PER3: variants seen among roughly 807,000 people sequenced by gnomAD.
PER3 encodes period circadian protein homolog 3.
PER3 carries 107 observed loss-of-function variants against 127.2 expected under a neutral mutation model. The ratio of observed to expected loss-of-function variants is 0.84; its 90% confidence interval spans 0.72 to 0.99. PER3 has a LOEUF of 0.99. Ranked by LOEUF, PER3 falls within the 50% of genes least tolerant of loss-of-function variation. The pLI is 0.00. For synonymous variants in PER3, 618 were observed against 585.8 expected (o/e 1.05, Z -0.79); for missense variants, 1,560 against 1,525.8 (o/e 1.02, Z -0.37).
intron 11 of PER3, among the ~76,000 whole-genome samples, chr1:7,809,682 C>T (rs953538877): frequency 2.6e-5 from 4 of 152,178 alleles, no homozygotes; most frequent in Non-Finnish European, 5.9e-5. Context: ...CCTACCTAGA[C>T]TAGAACATAA....
intron 7 of PER3, 82 bp downstream of exon 7, chr1:7,798,755 CAAAA>C (rs2097157223): frequency 8.7e-7 from 1 of 1,148,886 alleles, no homozygotes; most frequent in Admixed American, 1.9e-5. Context: ...CATAGAACAA[CAAAA>C]AGAGCTCTTG....
Position 7,826,597 on chromosome 1 carries a change from AGAAG to A in PER3, c.2080_2083del (p.Glu694SerfsTer162), listed in dbSNP as rs1237150319. ...GCGGCTGTTCTGTCAGCGCACACCC[AGAAG>A]GAAGAGCAGAATTATGTTGATAAAT... On this transcript the variant is annotated frameshift_variant, in exon 17 of 22. Coordinates refer to ENST00000377532, the MANE Select transcript of PER3 (RefSeq NM_001377275.1). LOFTEE classifies it high-confidence loss of function. This position sits in a 1 kb window ranked among gnomAD's most constrained non-coding sequence, Gnocchi z 4.2. 6.2e-7 allele frequency: 1 copy of A among 1,613,452 alleles called. No individual in the cohort carries two copies. The highest frequency in any genetic ancestry group is 8.5e-7 in the Non-Finnish European group (1 of 1,179,356).
At chr1:7,828,892 C>T (rs950650488) in intron 18 of PER3, among the ~76,000 whole-genome samples, 5 of 152,084 alleles carry the variant, frequency 3.3e-5, no homozygotes, top group African/African-American at 9.7e-5. Context: ...TAGTGTTTGA[C>T]ACAGTGCCTA....
At chr1:7,838,091 A>G (rs1004292170) in intron 21 of PER3, among the ~76,000 whole-genome samples, 1 of 152,054 alleles carries the variant, frequency 6.6e-6, no homozygotes, top group Non-Finnish European at 1.5e-5. Context: ...AAATATTTTT[A>G]AAAAAGAGAG....
chr1:7,789,831 A>G (rs1010614382), intron 5 of PER3, among the ~76,000 whole-genome samples: 1 of 152,244 alleles, frequency 6.6e-6, no homozygotes, highest in Non-Finnish European at 1.5e-5. Flanking sequence ...TAAGCTCTAG[A>G]AAACATGCAT....
chr1:7,826,544 G>T lies in PER3; in HGVS notation c.2022G>T (p.Ser674=). ...ACATGCAGCCAGCCCCTTTGACCTC[G>T]GAAGAATTTAAACACGTGGGGCTCA... ...TLNMQPAPLT[S]EEFKHVGLTA... Residue 674 remains serine, a synonymous_variant, in exon 17 of 22, where the codon TCG becomes TCT. Coordinates refer to ENST00000377532, the MANE Select transcript of PER3 (RefSeq NM_001377275.1). The surrounding 1 kb of genome is among the most constrained non-coding windows in gnomAD (Gnocchi z 4.2). 1.2e-6 allele frequency: 2 copies of T among 1,613,974 alleles called. No homozygotes were observed. Among genetic ancestry groups the T allele is most frequent in the South Asian group, 2.2e-5 (2 of 91,072 alleles).
intron 19 of PER3, among the ~76,000 whole-genome samples, chr1:7,835,068 C>T (rs1355278121): frequency 6.6e-6 from 1 of 152,076 alleles, no homozygotes; most frequent in Non-Finnish European, 1.5e-5. Flanking sequence ...TTTCTGATGG[C>T]TTCTTTTTTC....
At chr1:7,834,927 G>A (rs139515374) in intron 19 of PER3, among the ~76,000 whole-genome samples, 146 of 152,288 alleles carry the variant, frequency 9.6e-4, no homozygotes, top group African/African-American at 3.4e-3. Flanking sequence ...TGATCCATAA[G>A]GCTTCATATC....
chr1:7,806,609 G>A (rs1300389328), intron 10 of PER3, among the ~76,000 whole-genome samples: 2 of 151,470 alleles, frequency 1.3e-5, no homozygotes, highest in Admixed American at 1.3e-4. Flanking sequence ...GCAAGATAGT[G>A]AGACCCCTTC....
chr1:7,827,241 C>CGCATCA lies in PER3; in HGVS notation c.2314_2319dup (p.His772_Gln773dup), dbSNP rs773379784. On this transcript the variant is annotated inframe_insertion, in exon 18 of 22. Coordinates refer to ENST00000377532, the MANE Select transcript of PER3 (RefSeq NM_001377275.1). ...ACCGGCTCTGGTCCCCGCAGGGGAG[C>CGCATCA]GCATCAGAACGCACAGCCCTGCTGC... is the stretch of plus-strand genomic sequence containing the variant. The CGCATCA allele has an allele frequency of 3.1e-6, 5 of 1,613,900 alleles. No homozygotes were observed. In the Admixed American group the frequency reaches 8.3e-5, roughly 27 times the overall value.
intron 5 of PER3, among the ~76,000 whole-genome samples, chr1:7,789,127 T>C (rs952771533): frequency 1.8e-5 from 2 of 113,844 alleles, no homozygotes; most frequent in African/African-American, 7.6e-5. Context: ...AAGTGTCTCT[T>C]AAAGAGCTTT....
intron 16 of PER3, among the ~76,000 whole-genome samples, chr1:7,822,567 T>TA (rs1324240953): frequency 2.0e-5 from 3 of 152,064 alleles, no homozygotes; most frequent in Non-Finnish European, 2.9e-5. Flanking sequence ...AATAATTTTT[T>TA]AAAAGATGGA....
intron 7 of PER3, among the ~76,000 whole-genome samples, chr1:7,799,523 G>C (rs1441676515): frequency 1.3e-5 from 2 of 150,518 alleles, no homozygotes; most frequent in Admixed American, 1.3e-4. Context: ...AGAACTGCTT[G>C]AACCGGGACC....
In PER3 at chr1:7,842,773, C is replaced by T. The variant is rs1254730427; in HGVS notation, c.*18C>T. ...GCTGTTGAGTGACTGTGAGGATGAA[C>T]CTTCATACCCTTTCCAAGACGTGTT... On this transcript the variant is annotated 3_prime_UTR_variant, in exon 22 of 22. Coordinates refer to ENST00000377532, the MANE Select transcript of PER3 (RefSeq NM_001377275.1). The T allele has an allele frequency of 1.2e-6, 2 of 1,605,744 alleles. No homozygotes were observed. The highest frequency in any genetic ancestry group is 1.7e-6 in the Non-Finnish European group (2 of 1,173,876).
intron 6 of PER3, among the ~76,000 whole-genome samples, chr1:7,797,185 AAGGTGTGAGCAT>A (rs2097149371): frequency 1.3e-5 from 2 of 150,502 alleles, no homozygotes; most frequent in Non-Finnish European, 1.5e-5. Flanking sequence ...GGGAAGCTGG[AAGGTGTGAGCAT>A]GGATGTGAGC....
Position 7,826,510 on chromosome 1 carries a change from G to A in PER3, c.1988G>A (p.Trp663Ter). 2 of 1,613,238 alleles carry A rather than the reference G, an allele frequency of 1.2e-6. No homozygotes were observed. The highest frequency in any genetic ancestry group is 1.7e-6 in the Non-Finnish European group (2 of 1,179,254). ...ARDATLFCEP[W>*]TLNMQPAPLT... is the part of the protein sequence containing the mutation. ...GATGCTACCCTCTTCTGTGAGCCCT[G>A]GACCCTGAACATGCAGCCAGCCCCT... Residue 663 changes from tryptophan to a stop codon, truncating the protein, a stop_gained, in exon 17 of 22, where the codon TGG becomes TAG. Coordinates refer to ENST00000377532, the MANE Select transcript of PER3 (RefSeq NM_001377275.1). LOFTEE classifies it high-confidence loss of function. This position sits in a 1 kb window ranked among gnomAD's most constrained non-coding sequence, Gnocchi z 4.2.
chr1:7,787,886 G>A, intron 4 of PER3, 159 bp from the exon 5 acceptor site: 1 of 622,510 alleles, frequency 1.6e-6, no homozygotes, highest in South Asian at 1.9e-5. Flanking sequence ...TAAGAAGCAT[G>A]TTGGAGAAAA....
chr1:7,834,017 G>A (rs1470136257), intron 19 of PER3, among the ~76,000 whole-genome samples: 2 of 152,060 alleles, frequency 1.3e-5, no homozygotes, highest in African/African-American at 4.8e-5. Flanking sequence ...CCACCTCCTA[G>A]GTTCAAGCAA....
chr1:7,806,814 T>A lies in PER3; in HGVS notation c.1137-2079T>A, dbSNP rs915887812. Among the ~76,000 whole-genome samples, 860 of 101,428 alleles carry A rather than the reference T, an allele frequency of 8.5e-3. 7 individuals are homozygous for A. Among genetic ancestry groups the A allele is most frequent in the African/African-American group, 0.029 (694 of 23,942 alleles). 66.5% of individuals were successfully genotyped at this position (101,428 alleles called of 152,430 possible). A position where few individuals can be genotyped will look rare whatever the true frequency, so the allele number is the denominator to read the frequency against. Reference sequence around the variant, plus strand: ...GTCTCTTAAAAAAAAAAAAAAAAAATATATATATATATATATATATATTAC... The same window carrying A: ...GTCTCTTAAAAAAAAAAAAAAAAAAAATATATATATATATATATATATTAC... On this transcript the variant is annotated intron_variant, in intron 10 of 21. Coordinates refer to ENST00000377532, the MANE Select transcript of PER3 (RefSeq NM_001377275.1).
Sources: allele counts gnomAD v4.1 joint callset (sites outside exome capture counted in the v4.1 genomes callset), GRCh38; gene constraint gnomAD v4.1.1; non-coding constraint Gnocchi (gnomAD v3.1); transcripts MANE v1.5; gene names NCBI Gene and HGNC (gene_info 2026-07-23, HGNC 2026-07-21).